The following ZSWIM5 variants were observed in gnomAD, a reference collection of about 807,000 sequenced individuals.
ZSWIM5 encodes the protein zinc finger SWIM-type containing 5.
Under a neutral mutation model 119.6 loss-of-function variants are expected in ZSWIM5, and 55 were observed. The observed-to-expected ratio is 0.46, with a 90% CI of 0.37 to 0.58. The LOEUF (loss-of-function observed/expected upper bound fraction) is 0.58, where lower values mean the gene tolerates loss of function less well. Among genes scored for constraint, ZSWIM5 ranks in the 20% least tolerant of loss-of-function variants. The pLI is 0.00. For missense variants in ZSWIM5, 1,193 were observed against 1,512.8 expected, an observed-to-expected ratio of 0.79 and a Z score of 3.51; for synonymous variants, 537 against 606.9, an observed-to-expected ratio of 0.88 and a Z score of 1.69.
intron 1 of ZSWIM5, among the ~76,000 whole-genome samples, chr1:45,093,103 T>G (rs1645377903): frequency 6.6e-6 from 1 of 152,210 alleles, no homozygotes; most frequent in Admixed American, 6.5e-5. Context: ...AAAGCCAGGA[T>G]TCACACCCAG....
At chr1:45,021,160 T>A (rs947545022) in intron 11 of ZSWIM5, among the ~76,000 whole-genome samples, 1 of 152,092 alleles carries the variant, frequency 6.6e-6, no homozygotes, top group Non-Finnish European at 1.5e-5. Flanking sequence ...CTCAGCCTCC[T>A]GAGTAGCTGG....
chr1:45,048,657 T>A (rs780868408), intron 5 of ZSWIM5, among the ~76,000 whole-genome samples: 11 of 151,966 alleles, frequency 7.2e-5, no homozygotes, highest in Non-Finnish European at 1.3e-4. Flanking sequence ...TGCATGAAAT[T>A]GAGATTATGA....
chr1:45,091,314 T>C (rs1426668693), intron 1 of ZSWIM5, among the ~76,000 whole-genome samples: 3 of 152,056 alleles, frequency 2.0e-5, no homozygotes, highest in Admixed American at 6.6e-5. Flanking sequence ...ACAGAAGGGC[T>C]ACATTAAAAT....
At chr1:45,178,050 T>C (rs1299810836) in intron 1 of ZSWIM5, among the ~76,000 whole-genome samples, 3 of 151,904 alleles carry the variant, frequency 2.0e-5, no homozygotes, top group Admixed American at 1.3e-4. Flanking sequence ...TGATTTTATC[T>C]AAGGGACTTA....
chr1:45,123,214 T>C (rs1450638105), intron 1 of ZSWIM5, among the ~76,000 whole-genome samples: 1 of 151,996 alleles, frequency 6.6e-6, no homozygotes, highest in Non-Finnish European at 1.5e-5. Flanking sequence ...AGGTTTAAAA[T>C]CACTCGATAC....
intron 1 of ZSWIM5, among the ~76,000 whole-genome samples, chr1:45,118,730 C>A (rs1185881062): frequency 6.7e-5 from 9 of 134,290 alleles, no homozygotes; most frequent in African/African-American, 2.7e-4. Context: ...TGACAGAGAA[C>A]CTGTCTCAAA....
At chr1:45,036,330 G>T in intron 8 of ZSWIM5, 31 bp from the exon 9 acceptor site, 1 of 1,579,584 alleles carries the variant, frequency 6.3e-7, no homozygotes, top group Non-Finnish European at 8.6e-7. Context: ...AATTCTTTAG[G>T]TTAGGCTTGG....
intron 1 of ZSWIM5, among the ~76,000 whole-genome samples, chr1:45,167,731 T>C (rs1215502147): frequency 6.6e-6 from 1 of 152,092 alleles, no homozygotes; most frequent in African/African-American, 2.4e-5. Context: ...AAAATGCTCA[T>C]CATCACTGGC....
At chr1:45,128,488 C>T (rs953201180) in intron 1 of ZSWIM5, among the ~76,000 whole-genome samples, 3 of 152,126 alleles carry the variant, frequency 2.0e-5, no homozygotes, top group South Asian at 2.1e-4. Flanking sequence ...TGTATGCCAC[C>T]GCCCCTGGCC....
Position 45,077,330 on chromosome 1 carries a change from G to C in ZSWIM5, c.952+10551C>G, listed in dbSNP as rs568249509. ...AAATAAAGGGACAGAGTACAAAAGA[G>C]AGAAATTTTAAAGCTGGGCGTCTGG... On this transcript the variant is annotated intron_variant, in intron 2 of 13. Coordinates refer to ENST00000359600, the MANE Select transcript of ZSWIM5 (RefSeq NM_020883.2). Among the ~76,000 whole-genome samples, 14 of 152,296 alleles carry C rather than the reference G, an allele frequency of 9.2e-5. No homozygotes were observed. The East Asian group carries it at 2.7e-3, about 29-fold the overall frequency.
At chr1:45,023,437 G>A (rs1244257330) in intron 11 of ZSWIM5, among the ~76,000 whole-genome samples, 3 of 148,026 alleles carry the variant, frequency 2.0e-5, no homozygotes, top group Non-Finnish European at 4.4e-5. Flanking sequence ...CATGCAATAC[G>A]CATTTAAGTT....
At chr1:45,023,335 T>C (rs905575701) in intron 11 of ZSWIM5, among the ~76,000 whole-genome samples, 1 of 152,176 alleles carries the variant, frequency 6.6e-6, no homozygotes, top group African/African-American at 2.4e-5. Context: ...TGGAATCATA[T>C]AGTAAGTAGC....
rs777140911 is a variant in ZSWIM5, at chr1:45,034,330, T to C, written c.2431A>G (p.Met811Val). Residue 811 changes from methionine (M) to valine (V), a missense_variant, in exon 11 of 14, where the codon ATG becomes GTG. Transcript: ENST00000359600. ...ESQQCELAST[M>V]LTAAKGDTLR... ...TGCTCACCTTTGGCAGCAGTCAGCA[T>C]GGTGGAGGCCAGTTCACACTGCTGT... 3.7e-5 allele frequency: 59 copies of C among 1,609,690 alleles called. No individual in the cohort carries two copies. The East Asian group carries it at 1.1e-3, about 31-fold the overall frequency.
chr1:45,174,864 G>C (rs1186508657), intron 1 of ZSWIM5, among the ~76,000 whole-genome samples: 1 of 152,020 alleles, frequency 6.6e-6, no homozygotes, highest in Non-Finnish European at 1.5e-5. Flanking sequence ...AGTTGTCAAC[G>C]TACTGCCTTA....
chr1:45,154,243 A>G (rs1184971135), intron 1 of ZSWIM5, among the ~76,000 whole-genome samples: 1 of 152,156 alleles, frequency 6.6e-6, no homozygotes, highest in Non-Finnish European at 1.5e-5. Flanking sequence ...AACTAGAAAA[A>G]AAAACCCTAA....
intron 5 of ZSWIM5, among the ~76,000 whole-genome samples, chr1:45,048,246 C>T (rs1645069395): frequency 6.6e-6 from 1 of 151,718 alleles, no homozygotes; most frequent in East Asian, 1.9e-4. Flanking sequence ...CACCATGTTG[C>T]CCAGGCTGGT....
chr1:45,168,579 C>T (rs1570174337), intron 1 of ZSWIM5, among the ~76,000 whole-genome samples: 1 of 148,934 alleles, frequency 6.7e-6, no homozygotes, highest in Non-Finnish European at 1.5e-5. Context: ...GCAGGACAAT[C>T]GCTTGAACCC....
At chr1:45,044,824 TATATATATATAA>T (rs796855317) in intron 5 of ZSWIM5, among the ~76,000 whole-genome samples, 107 of 4,920 alleles carry the variant, frequency 0.022, 27 homozygotes, top group African/African-American at 0.054. Flanking sequence ...TATATATAAA[TATATATATATAA>T]ATATATATAT....
chr1:45,070,294 T>C (rs879238187), intron 2 of ZSWIM5: 8 of 1,437,006 alleles, frequency 5.6e-6, no homozygotes, highest in South Asian at 1.1e-5. Context: ...ATTATTCCTC[T>C]GGTGATGAGG....
Sources: allele counts gnomAD v4.1 joint callset (sites outside exome capture counted in the v4.1 genomes callset), GRCh38; gene constraint gnomAD v4.1.1; transcripts MANE v1.5; gene names NCBI Gene and HGNC (gene_info 2026-07-23, HGNC 2026-07-21).